Variants in SPAG16 observed in about 807,000 individuals in gnomAD.
SPAG16 encodes sperm-associated antigen 16 protein.
Under a neutral mutation model 80.4 loss-of-function variants are expected in SPAG16, and 86 were observed. That is an observed-to-expected ratio of 1.07 (90% CI 0.90 to 1.28). SPAG16 has a LOEUF of 1.28. Ranked by LOEUF, SPAG16 falls within the 50% of genes most tolerant of loss-of-function variation. The pLI, the probability that SPAG16 is intolerant of heterozygous loss-of-function variation, is 0.00. For missense variants in SPAG16, 870 were observed against 765.3 expected (o/e 1.14, Z -1.61); for synonymous variants, 294 against 265.9 (o/e 1.11, Z -1.03).
intron 13 of SPAG16, among the ~76,000 whole-genome samples, chr2:214,038,931 C>T (rs933191509): frequency 6.6e-6 from 1 of 152,104 alleles, no homozygotes; most frequent in African/African-American, 2.4e-5. Context: ...TTTTCTTAAT[C>T]CAGTCTATCA....
intron 10 of SPAG16, among the ~76,000 whole-genome samples, chr2:213,572,959 G>A (rs921075293): frequency 1.6e-4 from 25 of 152,168 alleles, no homozygotes; most frequent in South Asian, 4.1e-4. Context: ...TTTTTAAGCC[G>A]GTCTGAAAAG....
intron 9 of SPAG16, among the ~76,000 whole-genome samples, chr2:213,402,336 A>G (rs928339581): frequency 2.0e-5 from 3 of 152,076 alleles, no homozygotes; most frequent in Non-Finnish European, 4.4e-5. Context: ...ATCTAATTCT[A>G]TCTGCCATAT....
intron 15 of SPAG16, among the ~76,000 whole-genome samples, chr2:214,249,071 A>G (rs1247955366): frequency 6.6e-6 from 1 of 152,198 alleles, no homozygotes; most frequent in Non-Finnish European, 1.5e-5. Flanking sequence ...GAGCCCACAG[A>G]TTGATAGCAC....
intron 15 of SPAG16, among the ~76,000 whole-genome samples, chr2:214,351,828 T>C (rs1420603163): frequency 1.4e-5 from 1 of 71,904 alleles, no homozygotes; most frequent in East Asian, 3.2e-4. Flanking sequence ...TATATTCTAT[T>C]TGACACACAA....
At chr2:213,872,694 T>C (rs10199203) in intron 11 of SPAG16, among the ~76,000 whole-genome samples, 90,340 of 151,974 alleles carry the variant, frequency 0.59, 28,737 homozygotes, top group South Asian at 0.85. Context: ...GATCAGTCTT[T>C]CACCGTTAAG....
intron 10 of SPAG16, among the ~76,000 whole-genome samples, chr2:213,846,175 A>C (rs1010801340): frequency 6.6e-6 from 1 of 152,218 alleles, no homozygotes; most frequent in Non-Finnish European, 1.5e-5. Context: ...ATTGTTTTGA[A>C]AATTAGTTTC....
intron 15 of SPAG16, among the ~76,000 whole-genome samples, chr2:214,262,820 C>A (rs1268931627): frequency 6.6e-6 from 1 of 152,018 alleles, no homozygotes; most frequent in Non-Finnish European, 1.5e-5. Flanking sequence ...ATATAAATAA[C>A]CTTTTTTTAC....
chr2:214,208,635 A>T (rs573631355), intron 15 of SPAG16, among the ~76,000 whole-genome samples: 1 of 152,306 alleles, frequency 6.6e-6, no homozygotes, highest in East Asian at 1.9e-4. Context: ...GTGTAACTGG[A>T]TTAACCCATT....
intron 15 of SPAG16, among the ~76,000 whole-genome samples, chr2:214,307,846 G>A (rs531867710): frequency 6.6e-6 from 1 of 152,256 alleles, no homozygotes; most frequent in East Asian, 1.9e-4. Flanking sequence ...ATGTTGCAAT[G>A]AAAAGAATGT....
At chr2:214,041,038 T>G (rs1173004287) in intron 13 of SPAG16, among the ~76,000 whole-genome samples, 2 of 152,064 alleles carry the variant, frequency 1.3e-5, no homozygotes, top group African/African-American at 4.8e-5. Flanking sequence ...TTTTGTTTAT[T>G]TTATTTTTAT....
chr2:213,774,327 A>G (rs553161845), intron 10 of SPAG16, among the ~76,000 whole-genome samples: 1 of 152,276 alleles, frequency 6.6e-6, no homozygotes, highest in East Asian at 1.9e-4. Flanking sequence ...ACTCTATGAG[A>G]GTTCTTTCTT....
At chr2:214,122,399 C>T (rs1045180984) in intron 14 of SPAG16, among the ~76,000 whole-genome samples, 5 of 151,750 alleles carry the variant, frequency 3.3e-5, no homozygotes, top group South Asian at 2.1e-4. Context: ...GACATAAATG[C>T]ATCAATTCAC....
chr2:213,778,698 C>G (rs1250839436), intron 10 of SPAG16, among the ~76,000 whole-genome samples: 2 of 152,084 alleles, frequency 1.3e-5, no homozygotes, highest in Non-Finnish European at 2.9e-5. Context: ...TGGCTAAATC[C>G]ATCAGTCATC....
chr2:214,295,456 T>C (rs1385184113), intron 15 of SPAG16, among the ~76,000 whole-genome samples: 1 of 152,118 alleles, frequency 6.6e-6, no homozygotes, highest in Non-Finnish European at 1.5e-5. Flanking sequence ...TCAAGGAATT[T>C]TGAATACCCT....
chr2:213,297,083 A>G, intron 2 of SPAG16, 179 bp from the exon 3 acceptor site: 1 of 1,451,002 alleles, frequency 6.9e-7, no homozygotes, highest in East Asian at 2.9e-5. Flanking sequence ...ATTGACATTT[A>G]CAAGGAAGTC....
intron 15 of SPAG16, among the ~76,000 whole-genome samples, chr2:214,374,542 G>T (rs1029364224): frequency 6.6e-5 from 10 of 152,096 alleles, no homozygotes; most frequent in African/African-American, 2.4e-4. Context: ...AAAATATTTG[G>T]TATCATAAAC....
intron 9 of SPAG16, among the ~76,000 whole-genome samples, chr2:213,472,031 G>A (rs1003924027): frequency 6.6e-6 from 1 of 152,176 alleles, no homozygotes; most frequent in Non-Finnish European, 1.5e-5. Context: ...AGCCCTGTGT[G>A]TTTGCTACTT....
intron 12 of SPAG16, among the ~76,000 whole-genome samples, chr2:213,963,427 T>A (rs2044555529): frequency 6.6e-6 from 1 of 152,158 alleles, no homozygotes; most frequent in Admixed American, 6.5e-5. Flanking sequence ...TTTAATTTCT[T>A]TAAACTTTAC....
intron 14 of SPAG16, among the ~76,000 whole-genome samples, chr2:214,134,217 G>T (rs1462307939): frequency 1.3e-5 from 2 of 152,076 alleles, no homozygotes; most frequent in Non-Finnish European, 2.9e-5. Flanking sequence ...AGACTTTGAA[G>T]TCTACACTGG....
Sources: allele counts gnomAD v4.1 joint callset (sites outside exome capture counted in the v4.1 genomes callset), GRCh38; gene constraint gnomAD v4.1.1; transcripts MANE v1.5; gene names NCBI Gene and HGNC (gene_info 2026-07-23, HGNC 2026-07-21).